PXDNL: variants seen among roughly 807,000 people sequenced by gnomAD.
PXDNL encodes probable oxidoreductase PXDNL.
PXDNL carries 145 observed loss-of-function variants against 150.8 expected under a neutral mutation model. The ratio of observed to expected loss-of-function variants is 0.96; its 90% CI spans 0.84 to 1.10. The LOEUF is 1.10. PXDNL is among the 50% of genes least tolerant of loss of function. PXDNL has a pLI of 0.00. For synonymous variants in PXDNL, 757 were observed against 725.7 expected (o/e 1.04, Z -0.69); for missense variants, 2,087 against 1,873.9 (o/e 1.11, Z -2.10).
At chr8:51,484,745 C>T (rs1304200514) in intron 5 of PXDNL, among the ~76,000 whole-genome samples, 1 of 152,168 alleles carries the variant, frequency 6.6e-6, no homozygotes, top group African/African-American at 2.4e-5. Flanking sequence ...CTCCCTCTCC[C>T]TCCACCCTAG....
rs189232359 is a variant in PXDNL, at chr8:51,651,640, G to A, written c.236+3049C>T. On this transcript the variant is annotated intron_variant, in intron 2 of 22. Transcript: ENST00000356297. ...TATTTCTGTTGTTGCTATTTAAATA[G>A]TGGCATGCATTTATTTTATTTTTGT... Among the ~76,000 whole-genome samples the A allele has an allele frequency of 2.5e-3, 381 of 152,212 alleles. 3 individuals are homozygous for A. The highest frequency in any genetic ancestry group is 6.7e-3 in the African/African-American group (277 of 41,530).
At chr8:51,378,820 A>G (rs1269845094) in intron 17 of PXDNL, among the ~76,000 whole-genome samples, 2 of 152,208 alleles carry the variant, frequency 1.3e-5, no homozygotes, top group Admixed American at 1.3e-4. Context: ...CAGCAAGACT[A>G]TGAACCCACC....
At chr8:51,698,273 G>A (rs551030658) in intron 1 of PXDNL, among the ~76,000 whole-genome samples, 6 of 152,290 alleles carry the variant, frequency 3.9e-5, no homozygotes, top group African/African-American at 1.4e-4. Flanking sequence ...TTCAGAATTG[G>A]AGTAAATTCT....
intron 8 of PXDNL, among the ~76,000 whole-genome samples, chr8:51,464,780 A>G (rs1461630494): frequency 6.6e-6 from 1 of 152,190 alleles, no homozygotes; most frequent in East Asian, 1.9e-4. Flanking sequence ...TGACAGGTTG[A>G]TGGGTGCAGA....
intron 1 of PXDNL, among the ~76,000 whole-genome samples, chr8:51,763,783 C>CA (rs773982514): frequency 1.3e-5 from 2 of 151,784 alleles, no homozygotes; most frequent in South Asian, 2.1e-4. Context: ...TATTGACCTC[C>CA]AAAAAAAATT....
At chr8:51,445,870 G>A (rs961189145) in intron 12 of PXDNL, among the ~76,000 whole-genome samples, 9 of 152,040 alleles carry the variant, frequency 5.9e-5, no homozygotes, top group African/African-American at 1.9e-4. Flanking sequence ...GCCAGGGCAC[G>A]TCATAGCCTG....
intron 21 of PXDNL, among the ~76,000 whole-genome samples, chr8:51,338,480 A>G (rs758291587): frequency 7.9e-5 from 12 of 152,232 alleles, no homozygotes; most frequent in Non-Finnish European, 1.6e-4. Flanking sequence ...AGATGAGGAT[A>G]CTTGTTCTGA....
chr8:51,442,441 T>C (rs1195265305), intron 12 of PXDNL, among the ~76,000 whole-genome samples: 1 of 151,932 alleles, frequency 6.6e-6, no homozygotes, highest in Non-Finnish European at 1.5e-5. Context: ...GGTCTGTTCC[T>C]TTCTTTATGA....
Position 51,586,022 on chromosome 8 carries a change from T to C in PXDNL, c.308+6605A>G, listed in dbSNP as rs1389570619. Reference sequence around the variant, plus strand: ...ATATGAATGTGACAGAGTGCAGAAATGGCAAAAAATTCCTCCCATCCCTGA... The same window carrying C: ...ATATGAATGTGACAGAGTGCAGAAACGGCAAAAAATTCCTCCCATCCCTGA... On this transcript the variant is annotated intron_variant, in intron 3 of 22. Transcript: ENST00000356297. Among the ~76,000 whole-genome samples the C allele has an allele frequency of 2.0e-5, 3 of 152,200 alleles. No homozygotes were observed. In the South Asian group the frequency reaches 6.2e-4, roughly 32 times the overall value.
intron 19 of PXDNL, among the ~76,000 whole-genome samples, chr8:51,352,111 A>G (rs1171563444): frequency 6.6e-6 from 1 of 152,098 alleles, no homozygotes; most frequent in Non-Finnish European, 1.5e-5. Flanking sequence ...TCCACTGCAC[A>G]CTGCCCTCGA....
At chr8:51,591,824 T>A (rs1219566948) in intron 3 of PXDNL, among the ~76,000 whole-genome samples, 1 of 152,186 alleles carries the variant, frequency 6.6e-6, no homozygotes, top group Non-Finnish European at 1.5e-5. Flanking sequence ...TTCACTGTGT[T>A]AACCAGGATG....
Position 51,339,644 on chromosome 8 carries a change from T to C in PXDNL, c.4126A>G (p.Ile1376Val). The C allele has an allele frequency of 6.2e-7, 1 of 1,613,858 alleles. No homozygotes were observed. Among genetic ancestry groups the C allele is most frequent in the Non-Finnish European group, 8.5e-7 (1 of 1,179,830 alleles). Residue 1376 changes from isoleucine to valine, a missense_variant, in exon 21 of 23, where the codon ATC (isoleucine) becomes GTC (valine). Physicochemically the swap from Ile to Val is conservative, Grantham distance 29. Coordinates refer to ENST00000356297, the MANE Select transcript of PXDNL (RefSeq NM_144651.5). ...STFAAEIQET[I>V]TALREQINKL... is the part of the protein sequence containing the mutation. ...CAAACCTGCTCTCTGAGTGCTGTGATGGTTTCCTGAATTTCCGCTGCAAAC... is the reference window on the plus strand; with the variant it reads ...CAAACCTGCTCTCTGAGTGCTGTGACGGTTTCCTGAATTTCCGCTGCAAAC...
intron 19 of PXDNL, among the ~76,000 whole-genome samples, chr8:51,360,191 T>A (rs1806676049): frequency 1.3e-5 from 2 of 152,158 alleles, no homozygotes; most frequent in Non-Finnish European, 2.9e-5. Context: ...ACGTATACAC[T>A]TTTGTGTACA....
chr8:51,522,420 G>T (rs951944671), intron 4 of PXDNL, among the ~76,000 whole-genome samples: 3 of 152,200 alleles, frequency 2.0e-5, no homozygotes, highest in African/African-American at 7.2e-5. Flanking sequence ...CTGGCACGCT[G>T]AGCTCCAGCA....
chr8:51,386,150 T>C (rs1351288732), intron 17 of PXDNL, among the ~76,000 whole-genome samples: 1 of 152,158 alleles, frequency 6.6e-6, no homozygotes, highest in Admixed American at 6.5e-5. Context: ...TAGAGTGCAG[T>C]GGCGTGATCT....
chr8:51,798,054 C>T (rs1182440860), intron 1 of PXDNL, among the ~76,000 whole-genome samples: 1 of 152,094 alleles, frequency 6.6e-6, no homozygotes, highest in Admixed American at 6.5e-5. Flanking sequence ...TTCAACAAAC[C>T]TGACAAAAAC....
intron 1 of PXDNL, among the ~76,000 whole-genome samples, chr8:51,778,202 C>T (rs1160277574): frequency 6.6e-6 from 1 of 151,882 alleles, no homozygotes; most frequent in Non-Finnish European, 1.5e-5. Context: ...TGGTGTGAAC[C>T]CAGGAGGTGG....
At chr8:51,628,907 A>G (rs1419716237) in intron 2 of PXDNL, among the ~76,000 whole-genome samples, 8 of 132,690 alleles carry the variant, frequency 6.0e-5, no homozygotes, top group Non-Finnish European at 2.9e-5. Flanking sequence ...TGAAGAGGGG[A>G]AAAAAACTGA....
In PXDNL at chr8:51,445,966, C is replaced by T. The variant is rs75023566; in HGVS notation, c.1525+1038G>A. Among the ~76,000 whole-genome samples, 116 of 151,262 alleles carry T rather than the reference C, an allele frequency of 7.7e-4. 2 individuals are homozygous for T. In the South Asian group the frequency reaches 0.015, roughly 19 times the overall value. On this transcript the variant is annotated intron_variant, in intron 12 of 22. Coordinates refer to ENST00000356297, the MANE Select transcript of PXDNL (RefSeq NM_144651.5). ...CTTCCCTACAATCCTTTTTCCCCCC[C>T]GTAGAACCTCAACTTCCTTTAAAAA...
Sources: gnomAD v4.1 joint callset for allele counts (sites outside exome capture counted in the v4.1 genomes callset) on GRCh38, gnomAD v4.1.1 for gene constraint, MANE v1.5 for transcripts, NCBI Gene and HGNC (gene_info 2026-07-23, HGNC 2026-07-21) for gene names.